The following CBLB variants were observed in gnomAD, a reference collection of about 807,000 sequenced individuals.
CBLB encodes Cbl proto-oncogene B, also known as E3 ubiquitin-protein ligase CBL-B.
In CBLB, 31 loss-of-function variants were observed where a neutral mutation model predicts 104.9. The ratio of observed to expected loss-of-function variants is 0.30; its 90% confidence interval spans 0.22 to 0.40. CBLB has a LOEUF of 0.40. Among genes scored for constraint, CBLB ranks in the 10% least tolerant of loss-of-function variants. CBLB has a pLI of 1.00. For missense variants in CBLB, 1,062 were observed against 1,214.6 expected, an observed-to-expected ratio of 0.87 and a Z score of 1.87; for synonymous variants, 440 against 422.6, an observed-to-expected ratio of 1.04 and a Z score of -0.51.
At chr3:105,728,568 A>G (rs2073953359) in intron 9 of CBLB, among the ~76,000 whole-genome samples, 1 of 152,216 alleles carries the variant, frequency 6.6e-6, no homozygotes, top group African/African-American at 2.4e-5. Flanking sequence ...GAAGATGTGC[A>G]GAAGTTCAGG....
chr3:105,826,307 T>C (rs1307762358), intron 3 of CBLB, among the ~76,000 whole-genome samples: 1 of 152,096 alleles, frequency 6.6e-6, no homozygotes, highest in Non-Finnish European at 1.5e-5. Context: ...TAAAACCATA[T>C]AACAAGGCAG....
At chr3:105,742,600 C>A (rs1456547091) in intron 6 of CBLB, among the ~76,000 whole-genome samples, 2 of 150,308 alleles carry the variant, frequency 1.3e-5, no homozygotes, top group South Asian at 2.2e-4. Flanking sequence ...ATGAGAAGTG[C>A]CAAAAATAAT....
intron 5 of CBLB, among the ~76,000 whole-genome samples, chr3:105,748,104 C>T (rs575877677): frequency 1.3e-5 from 2 of 152,180 alleles, no homozygotes; most frequent in African/African-American, 2.4e-5. Context: ...AAACAAAGTG[C>T]TTTGGAGAGT....
Position 105,818,778 on chromosome 3 carries a change from T to C in CBLB, c.419+34636A>G, listed in dbSNP as rs186614695. On this transcript the variant is annotated intron_variant, in intron 3 of 18. Coordinates refer to ENST00000394030, the MANE Select transcript of CBLB (RefSeq NM_170662.5). ...AAATAGATTGTGAAGATTAGTTTTATGCAAAATTCTAAGAAGAGTATGCAG... is the reference window on the plus strand; with the variant it reads ...AAATAGATTGTGAAGATTAGTTTTACGCAAAATTCTAAGAAGAGTATGCAG... 2.4e-3 allele frequency among the ~76,000 whole-genome samples: 370 copies of C among 152,174 alleles called. 3 individuals are homozygous for C. Among genetic ancestry groups the C allele is most frequent in the African/African-American group, 8.8e-3 (363 of 41,466 alleles).
intron 3 of CBLB, among the ~76,000 whole-genome samples, chr3:105,810,257 C>T (rs1385295315): frequency 2.6e-5 from 4 of 152,046 alleles, no homozygotes; most frequent in African/African-American, 4.8e-5. Context: ...AAATTAATTA[C>T]TTACATTTCC....
At chr3:105,795,607 T>C (rs1329898340) in intron 3 of CBLB, among the ~76,000 whole-genome samples, 1 of 152,238 alleles carries the variant, frequency 6.6e-6, no homozygotes, top group African/African-American at 2.4e-5. Context: ...ACCTCTACTT[T>C]CTGTCAAAAC....
chr3:105,867,361 C>G lies in CBLB; in HGVS notation c.168+49G>C, dbSNP rs372320601. 2.3e-4 allele frequency: 353 copies of G among 1,535,552 alleles called. 1 individual carries two copies. The highest frequency in any genetic ancestry group is 1.7e-4 in the Middle Eastern group (1 of 5,922). On this transcript the variant is annotated intron_variant, in intron 2 of 18. Transcript: ENST00000394030. ...AGTATAAATAAATCTGGAGAAACCACAGACAAAGTGAATAGTGTTTCGCAC... is the reference window on the plus strand; with the variant it reads ...AGTATAAATAAATCTGGAGAAACCAGAGACAAAGTGAATAGTGTTTCGCAC...
chr3:105,780,645 A>G (rs1463910120), intron 3 of CBLB, among the ~76,000 whole-genome samples: 3 of 140,290 alleles, frequency 2.1e-5, no homozygotes, highest in Non-Finnish European at 4.6e-5. Context: ...TTTTACAATA[A>G]AAGTTTTGTT....
chr3:105,737,298 G>T, intron 7 of CBLB, 40 bp from the exon 8 acceptor site: 1 of 995,506 alleles, frequency 1.0e-6, no homozygotes, highest in Non-Finnish European at 1.6e-6. Flanking sequence ...AAATATACAA[G>T]TTTTAATTGC....
intron 3 of CBLB, among the ~76,000 whole-genome samples, chr3:105,830,986 A>C (rs1004466816): frequency 6.6e-6 from 1 of 152,238 alleles, no homozygotes; most frequent in African/African-American, 2.4e-5. Context: ...GACACGGCTG[A>C]CATGAAATAT....
At chr3:105,867,890 A>C (rs1213912994) in intron 1 of CBLB, among the ~76,000 whole-genome samples, 1 of 151,958 alleles carries the variant, frequency 6.6e-6, no homozygotes, top group East Asian at 1.9e-4. Context: ...AAAAAAAAAA[A>C]AAGAACAAAC....
At chr3:105,838,786 C>A (rs1482072198) in intron 3 of CBLB, among the ~76,000 whole-genome samples, 1 of 151,766 alleles carries the variant, frequency 6.6e-6, no homozygotes, top group Non-Finnish European at 1.5e-5. Context: ...ATTACAGGCG[C>A]ATGCCACCAC....
chr3:105,658,071 G>A lies in CBLB; in HGVS notation c.*899C>T. The A allele has an allele frequency of 4.6e-6, 1 of 215,844 alleles. No individual in the cohort carries two copies. Among genetic ancestry groups the A allele is most frequent in the Non-Finnish European group, 9.3e-6 (1 of 107,040 alleles). 13.4% of individuals were successfully genotyped at this position (215,844 alleles called of 1,614,324 possible). ...ATTCAGCATCCCTCAAAGTAATGCAGGCATAAGTATCAGGGGACCTTGTTA... is the reference window on the plus strand; with the variant it reads ...ATTCAGCATCCCTCAAAGTAATGCAAGCATAAGTATCAGGGGACCTTGTTA... On this transcript the variant is annotated 3_prime_UTR_variant, in exon 19 of 19. Transcript: ENST00000394030.
intron 10 of CBLB, 80 bp from the exon 11 acceptor site, chr3:105,704,253 G>A: frequency 7.4e-7 from 1 of 1,343,952 alleles, no homozygotes; most frequent in South Asian, 1.2e-5. Flanking sequence ...ATATTTGGTT[G>A]GAAGAAGGTT....
intron 5 of CBLB, among the ~76,000 whole-genome samples, 190 bp downstream of exon 5, chr3:105,751,272 T>C (rs2076563230): frequency 6.6e-6 from 1 of 152,184 alleles, no homozygotes; most frequent in African/African-American, 2.4e-5. Flanking sequence ...TTAAGCCAAA[T>C]GGCTCACTCT....
At chr3:105,740,964 A>G (rs570939635) in intron 6 of CBLB, among the ~76,000 whole-genome samples, 79 of 152,228 alleles carry the variant, frequency 5.2e-4, no homozygotes, top group African/African-American at 1.5e-3. Context: ...AAAATAAATC[A>G]CTCTTGGAAT....
Position 105,685,462 on chromosome 3 carries a change from T to C in CBLB, c.2059A>G (p.Thr687Ala). Residue 687 changes from threonine to alanine, a missense_variant, in exon 14 of 19, where the codon ACT becomes GCT. By Grantham distance (58) the Thr-to-Ala change is moderately conservative. Around this residue, in one of 2 missense-constraint regions of CBLB, gnomAD observed 605 missense variants for 582.6 expected, o/e 1.04. Coordinates refer to ENST00000394030, the MANE Select transcript of CBLB (RefSeq NM_170662.5). ...GAAAGAGAATTTGCTAACGGACCAGTACACCTACCAGGGGAAAAAAAATCC... is the reference window on the plus strand; with the variant it reads ...GAAAGAGAATTTGCTAACGGACCAGCACACCTACCAGGGGAAAAAAAATCC... ...VTTLLPSIKC[T>A]GPLANSLSEK... The C allele has an allele frequency of 6.2e-7, 1 of 1,612,772 alleles. No homozygotes were observed. Among genetic ancestry groups the C allele is most frequent in the South Asian group, 1.1e-5 (1 of 91,038 alleles).
chr3:105,814,297 T>C (rs970693321), intron 3 of CBLB, among the ~76,000 whole-genome samples: 4 of 152,160 alleles, frequency 2.6e-5, no homozygotes, highest in African/African-American at 9.7e-5. Context: ...GATAAGAGGA[T>C]TTATCAATAT....
At chr3:105,772,832 G>A (rs2079015198) in intron 4 of CBLB, among the ~76,000 whole-genome samples, 1 of 152,154 alleles carries the variant, frequency 6.6e-6, no homozygotes, top group Non-Finnish European at 1.5e-5. Context: ...CCTTACTTCT[G>A]CAACAATGAC....
Sources: allele counts gnomAD v4.1 joint callset (sites outside exome capture counted in the v4.1 genomes callset), GRCh38; gene constraint gnomAD v4.1.1; regional missense constraint gnomAD v4.1.1; transcripts MANE v1.5; gene names NCBI Gene and HGNC (gene_info 2026-07-23, HGNC 2026-07-21).